SPSB4: variants seen among roughly 807,000 people sequenced by gnomAD.
The protein encoded by SPSB4 is SPRY domain-containing SOCS box protein 4.
In SPSB4, 21 loss-of-function variants were observed where a neutral mutation model predicts 20.9. That is an observed-to-expected ratio of 1.01 (90% CI 0.71 to 1.45). The LOEUF is 1.45. SPSB4 is among the 40% of genes most tolerant of loss of function. SPSB4 has a pLI of 0.00. For synonymous variants in SPSB4, 207 were observed against 183.8 expected (o/e 1.13, Z -1.02); for missense variants, 399 against 399.2 (o/e 1.00, Z 0.00).
intron 2 of SPSB4, among the ~76,000 whole-genome samples, chr3:141,121,994 G>A (rs189165950): frequency 3.3e-5 from 5 of 152,252 alleles, no homozygotes; most frequent in African/African-American, 7.2e-5. Flanking sequence ...GAGAAGAGAC[G>A]CTCTGGTTTT....
chr3:141,052,682 G>A (rs1936116208), intron 1 of SPSB4, among the ~76,000 whole-genome samples: 1 of 152,168 alleles, frequency 6.6e-6, no homozygotes, highest in Non-Finnish European at 1.5e-5. Flanking sequence ...TGGCCCGAGA[G>A]CGACTCAGGG....
At chr3:141,060,304 A>G (rs1937737720) in intron 1 of SPSB4, among the ~76,000 whole-genome samples, 1 of 152,210 alleles carries the variant, frequency 6.6e-6, no homozygotes, top group South Asian at 2.1e-4. Context: ...CAGCAACTCC[A>G]CAGTTGGCAT....
chr3:141,121,257 T>TGTAG (rs1221442894), intron 2 of SPSB4, among the ~76,000 whole-genome samples: 1 of 152,226 alleles, frequency 6.6e-6, no homozygotes, highest in East Asian at 1.9e-4. Flanking sequence ...TCCTCTGGCT[T>TGTAG]GTAGGTTTTT....
At chr3:141,055,502 T>C (rs772870984) in intron 1 of SPSB4, among the ~76,000 whole-genome samples, 9 of 150,914 alleles carry the variant, frequency 6.0e-5, no homozygotes, top group Non-Finnish European at 1.2e-4. Flanking sequence ...GCCTGGAGGG[T>C]TGAATGAAGA....
rs575715541 is a variant in SPSB4 at position 141,121,697 on chromosome 3, A to G, written c.695-25445A>G. 2.3e-4 allele frequency among the ~76,000 whole-genome samples: 35 copies of G among 151,956 alleles called. No individual in the cohort carries two copies. The South Asian group carries it at 6.9e-3, about 30-fold the overall frequency. On this transcript the variant is annotated intron_variant, in intron 2 of 2. Transcript: ENST00000310546. ...TCACTGATGTCCTTTCTTCCACTTG[A>G]TTGAATCGGTTATTGAAGCTTGTGC...
At chr3:141,090,283 A>G (rs1395177531) in intron 2 of SPSB4, among the ~76,000 whole-genome samples, 1 of 152,250 alleles carries the variant, frequency 6.6e-6, no homozygotes, top group Non-Finnish European at 1.5e-5. Flanking sequence ...ACAAAACAGC[A>G]GGGACAAAAC....
chr3:141,142,101 C>T (rs865846784), intron 2 of SPSB4, among the ~76,000 whole-genome samples: 1 of 151,936 alleles, frequency 6.6e-6, no homozygotes, highest in Non-Finnish European at 1.5e-5. Flanking sequence ...TTAGTTTGTT[C>T]TTGTTTCTCT....
chr3:141,081,298 G>A (rs1576522719), intron 2 of SPSB4, among the ~76,000 whole-genome samples: 1 of 152,356 alleles, frequency 6.6e-6, no homozygotes, highest in East Asian at 1.9e-4. Context: ...ATGAGCCCAT[G>A]TAAACCATTC....
chr3:141,069,002 C>T (rs148668587), intron 2 of SPSB4, among the ~76,000 whole-genome samples: 2 of 152,136 alleles, frequency 1.3e-5, no homozygotes, highest in Non-Finnish European at 1.5e-5. Flanking sequence ...CTAACCTCCT[C>T]CTTACTGGCA....
At chr3:141,142,743 G>A (rs1939351419) in intron 2 of SPSB4, among the ~76,000 whole-genome samples, 3 of 148,256 alleles carry the variant, frequency 2.0e-5, no homozygotes, top group South Asian at 2.2e-4. Flanking sequence ...TATATATTTA[G>A]GATTGTGATA....
At chr3:141,113,645 G>C in intron 2 of SPSB4, among the ~76,000 whole-genome samples, 1 of 152,202 alleles carries the variant, frequency 6.6e-6, no homozygotes, top group South Asian at 2.1e-4. Context: ...GGGTAGATTA[G>C]TGGTTTCCAG....
At chr3:141,139,830 T>C (rs1939293879) in intron 2 of SPSB4, among the ~76,000 whole-genome samples, 1 of 152,210 alleles carries the variant, frequency 6.6e-6, no homozygotes, top group South Asian at 2.1e-4. Context: ...TTGCTCTTCT[T>C]GAGGAGTATC....
chr3:141,115,143 G>A (rs938553008), intron 2 of SPSB4: 1 of 152,212 alleles, frequency 6.6e-6, no homozygotes, highest in Non-Finnish European at 1.5e-5. Context: ...AAGCAGTTCT[G>A]GTTTTTTACG....
intron 2 of SPSB4, among the ~76,000 whole-genome samples, chr3:141,098,437 C>T (rs1938574352): frequency 6.6e-6 from 1 of 152,090 alleles, no homozygotes; most frequent in Non-Finnish European, 1.5e-5. Flanking sequence ...ATTTATTCAG[C>T]TTTTGTTATA....
intron 2 of SPSB4, 102 bp downstream of exon 2, chr3:141,066,900 T>C (rs1001737436): frequency 1.7e-6 from 2 of 1,192,796 alleles, no homozygotes; most frequent in Middle Eastern, 2.1e-4. Context: ...GATCCTGCAA[T>C]GTGGAGGAAT....
At chr3:141,078,614 C>G (rs1310539890) in intron 2 of SPSB4, among the ~76,000 whole-genome samples, 3 of 152,224 alleles carry the variant, frequency 2.0e-5, no homozygotes, top group Non-Finnish European at 4.4e-5. Flanking sequence ...GCTTTCCTCT[C>G]CAAAGGGACA....
chr3:141,106,819 T>G (rs1938696847), intron 2 of SPSB4, among the ~76,000 whole-genome samples: 1 of 152,100 alleles, frequency 6.6e-6, no homozygotes, highest in Non-Finnish European at 1.5e-5. Context: ...TCAACCTACC[T>G]GAAATAACAG....
At chr3:141,076,677 C>A (rs925379544) in intron 2 of SPSB4, among the ~76,000 whole-genome samples, 1 of 152,168 alleles carries the variant, frequency 6.6e-6, no homozygotes, top group African/African-American at 2.4e-5. Flanking sequence ...CTGTCCCGAA[C>A]TTGAGTCCAG....
At chr3:141,098,368 A>C (rs1938573596) in intron 2 of SPSB4, among the ~76,000 whole-genome samples, 1 of 152,234 alleles carries the variant, frequency 6.6e-6, no homozygotes, top group Non-Finnish European at 1.5e-5. Flanking sequence ...GATTATTTTA[A>C]TGGATAAATG....
Sources: allele counts gnomAD v4.1 joint callset (sites outside exome capture counted in the v4.1 genomes callset), GRCh38; gene constraint gnomAD v4.1.1; transcripts MANE v1.5; gene names NCBI Gene and HGNC (gene_info 2026-07-23, HGNC 2026-07-21).